Variants in ARB2A observed in about 807,000 individuals in gnomAD.
The protein encoded by ARB2A is ARB2 cotranscriptional regulator A.
chr5:93,647,533 TTTTG>T, the ARB2A span, among the ~76,000 whole-genome samples: 526 of 151,762 alleles, frequency 3.5e-3, no homozygotes, highest in Non-Finnish European at 5.0e-3. Flanking sequence ...GCCCACAGTT[TTTTG>T]TTTGTTTGTT....
the ARB2A span, among the ~76,000 whole-genome samples, chr5:93,856,204 C>G: frequency 2.0e-5 from 3 of 152,198 alleles, no homozygotes; most frequent in African/African-American, 7.2e-5. Context: ...ACCTTTCTCT[C>G]TGGCTGCCCT....
At chr5:94,003,856 T>C in the ARB2A span, among the ~76,000 whole-genome samples, 1 of 152,006 alleles carries the variant, frequency 6.6e-6, no homozygotes, top group African/African-American at 2.4e-5. Flanking sequence ...TTTTAAAAAT[T>C]TATATGGAAA....
At chr5:94,063,996 C>A in the ARB2A span, among the ~76,000 whole-genome samples, 1 of 151,284 alleles carries the variant, frequency 6.6e-6, no homozygotes, top group African/African-American at 2.4e-5. Flanking sequence ...GCAACAGATT[C>A]CAATCAAAGA....
the ARB2A span, chr5:93,805,718 T>C: frequency 1.0e-6 from 1 of 985,084 alleles, no homozygotes. Context: ...AGAAAGTCTG[T>C]TCAGCTCAAA....
the ARB2A span, among the ~76,000 whole-genome samples, chr5:94,108,449 A>G: frequency 3.3e-5 from 5 of 152,210 alleles, no homozygotes; most frequent in Admixed American, 3.3e-4. Flanking sequence ...AGTTTTTACA[A>G]TTACAGGATT....
At chr5:93,617,813 C>G in the ARB2A span, among the ~76,000 whole-genome samples, 6 of 152,228 alleles carry the variant, frequency 3.9e-5, no homozygotes, top group East Asian at 7.7e-4. Flanking sequence ...GATTTCCTTG[C>G]TAAGGAGATA....
chr5:93,656,616 T>G, the ARB2A span, among the ~76,000 whole-genome samples: 3 of 152,280 alleles, frequency 2.0e-5, no homozygotes, highest in African/African-American at 7.2e-5. Context: ...AATAAGACAC[T>G]GTTCATTATT....
chr5:93,948,895 A>G, the ARB2A span, among the ~76,000 whole-genome samples: 14 of 152,208 alleles, frequency 9.2e-5, no homozygotes, highest in Admixed American at 9.2e-4. Flanking sequence ...ACCTCTAAGC[A>G]GTGAACTGAT....
the ARB2A span, among the ~76,000 whole-genome samples, chr5:93,778,242 T>C: frequency 6.6e-6 from 1 of 151,938 alleles, no homozygotes; most frequent in African/African-American, 2.4e-5. Context: ...AGAAATAGGG[T>C]TTTAGAAGAT....
the ARB2A span, among the ~76,000 whole-genome samples, chr5:93,909,730 T>C: frequency 5.3e-5 from 8 of 150,944 alleles, no homozygotes; most frequent in Non-Finnish European, 1.0e-4. Flanking sequence ...TTCAGTTTTT[T>C]TGTTGAAAAT....
At chr5:93,984,455 T>G in the ARB2A span, among the ~76,000 whole-genome samples, 1 of 152,170 alleles carries the variant, frequency 6.6e-6, no homozygotes, top group Non-Finnish European at 1.5e-5. Context: ...CAACTATACT[T>G]ACGGATATTT....
chr5:93,938,099 T>C, the ARB2A span, among the ~76,000 whole-genome samples: 1 of 152,302 alleles, frequency 6.6e-6, no homozygotes, highest in East Asian at 1.9e-4. Context: ...TTTATACAGA[T>C]TTGAGCATCA....
chr5:93,915,049 A>G, the ARB2A span, among the ~76,000 whole-genome samples: 14 of 152,102 alleles, frequency 9.2e-5, no homozygotes, highest in African/African-American at 3.1e-4. Context: ...AAGGTAGAGG[A>G]AAAAAGTAGA....
chr5:93,916,688 C>A, the ARB2A span, among the ~76,000 whole-genome samples: 2 of 152,198 alleles, frequency 1.3e-5, no homozygotes, highest in African/African-American at 4.8e-5. Context: ...TCCCTCAGAA[C>A]CCCCTAAACT....
the ARB2A span, among the ~76,000 whole-genome samples, chr5:94,097,828 C>A: frequency 2.0e-5 from 3 of 151,936 alleles, no homozygotes; most frequent in African/African-American, 7.2e-5. Context: ...ACTGCTTTGA[C>A]ATAAAGCCCT....
the ARB2A span, among the ~76,000 whole-genome samples, chr5:93,881,939 T>C: frequency 6.6e-6 from 1 of 151,408 alleles, no homozygotes; most frequent in East Asian, 1.9e-4. Flanking sequence ...ATAAAGATTA[T>C]AAAGCTTAAA....
At chr5:93,741,411 C>T in the ARB2A span, 4 of 1,613,380 alleles carry the variant, frequency 2.5e-6, no homozygotes, top group Non-Finnish European at 3.4e-6. Context: ...AGATCCCTGG[C>T]CTGACTGCCG....
At chr5:93,928,212 G>GA in the ARB2A span, among the ~76,000 whole-genome samples, 4 of 152,012 alleles carry the variant, frequency 2.6e-5, no homozygotes, top group African/African-American at 9.7e-5. Context: ...TATGAAATGG[G>GA]AAAAATAAAA....
chr5:94,042,483 T>C, the ARB2A span, among the ~76,000 whole-genome samples: 1 of 152,054 alleles, frequency 6.6e-6, no homozygotes, highest in African/African-American at 2.4e-5. Flanking sequence ...TTTTTTGTAT[T>C]TTTAGTAGAG....
Sources: allele counts gnomAD v4.1 joint callset (sites outside exome capture counted in the v4.1 genomes callset), GRCh38; gene constraint gnomAD v4.1.1; transcripts MANE v1.5; gene names NCBI Gene and HGNC (gene_info 2026-07-23, HGNC 2026-07-21).